The following ITSN2 variants were observed in gnomAD, a reference collection of about 807,000 sequenced individuals.
ITSN2 encodes the protein intersectin-2.
ITSN2 carries 156 observed loss-of-function variants against 243.7 expected under a neutral mutation model. The observed-to-expected ratio is 0.64, with a 90% CI of 0.56 to 0.73. The LOEUF is 0.73. ITSN2 is among the 30% of genes least tolerant of loss of function. The probability of loss-of-function intolerance (pLI) is 0.00; values close to 1 mark genes in which losing one functional copy is unlikely to be tolerated. For synonymous variants in ITSN2, 703 were observed against 699.9 expected (o/e 1.00, Z -0.07); for missense variants, 1,801 against 1,996.1 (o/e 0.90, Z 1.86).
chr2:24,310,748 T>G (rs553706271), intron 5 of ITSN2, 56 bp from the exon 6 acceptor site: 2 of 1,443,000 alleles, frequency 1.4e-6, no homozygotes, highest in South Asian at 2.4e-5. Flanking sequence ...ATAAAACACA[T>G]GCAAAAAACA....
At chr2:24,281,289 C>G (rs1678743258) in intron 17 of ITSN2, among the ~76,000 whole-genome samples, 2 of 152,238 alleles carry the variant, frequency 1.3e-5, no homozygotes, top group African/African-American at 4.8e-5. Flanking sequence ...CTCAGCCTCC[C>G]AAAGTGCAGG....
chr2:24,292,841 C>T (rs1680436499), intron 15 of ITSN2, among the ~76,000 whole-genome samples: 1 of 152,276 alleles, frequency 6.6e-6, no homozygotes, highest in East Asian at 1.9e-4. Context: ...TTGTCTTGCT[C>T]CTTTGCCTTA....
At chr2:24,314,945 AT>A (rs901484666) in intron 3 of ITSN2, among the ~76,000 whole-genome samples, 186 bp downstream of exon 3, 1 of 152,248 alleles carries the variant, frequency 6.6e-6, no homozygotes, top group Non-Finnish European at 1.5e-5. Context: ...CATATCCCAA[AT>A]TTAAAACAAC....
chr2:24,293,598 T>C lies in ITSN2; in HGVS notation c.1723+90A>G, dbSNP rs200195347. On this transcript the variant is annotated intron_variant, in intron 15 of 39. Coordinates refer to ENST00000355123, the MANE Select transcript of ITSN2 (RefSeq NM_006277.3). ...GCAAAAAGTGTTATTTATAACAGAATACTTTTTTTAATTTTAAAAAAGTAA... is the reference window on the plus strand; with the variant it reads ...GCAAAAAGTGTTATTTATAACAGAACACTTTTTTTAATTTTAAAAAAGTAA... The C allele has an allele frequency of 2.4e-5, 13 of 541,712 alleles. No individual in the cohort carries two copies. The East Asian group carries it at 4.6e-4, about 19-fold the overall frequency. The allele number at this position is 541,712 out of a possible 1,614,324, so 33.6% of individuals were successfully genotyped here.
chr2:24,274,459 T>C lies in ITSN2; in HGVS notation c.2081+1254A>G, dbSNP rs150964777. On this transcript the variant is annotated intron_variant, in intron 18 of 39. Transcript: ENST00000355123. Reference sequence around the variant, plus strand: ...TGGTGGTACATGCCTATATTCCCAGTTACTCAGTGGGAGCTTAGGCAGGAG... The same window carrying C: ...TGGTGGTACATGCCTATATTCCCAGCTACTCAGTGGGAGCTTAGGCAGGAG... Among the ~76,000 whole-genome samples, 226 of 152,132 alleles carry C rather than the reference T, an allele frequency of 1.5e-3. 1 individual carries two copies. Among genetic ancestry groups the C allele is most frequent in the African/African-American group, 5.1e-3 (213 of 41,522 alleles).
chr2:24,297,608 A>T (rs1312288513), intron 13 of ITSN2, among the ~76,000 whole-genome samples: 1 of 152,170 alleles, frequency 6.6e-6, no homozygotes, highest in Non-Finnish European at 1.5e-5. Context: ...CATAAATGTC[A>T]AGCTTCTCTG....
intron 29 of ITSN2, among the ~76,000 whole-genome samples, chr2:24,237,374 C>T (rs1185716082): frequency 2.2e-5 from 3 of 138,494 alleles, no homozygotes; most frequent in African/African-American, 8.1e-5. Context: ...AACCTGTTTC[C>T]CATCTTTGTG....
At chr2:24,215,919 G>A (rs542414429) in intron 32 of ITSN2, 130 bp downstream of exon 32, 18 of 600,112 alleles carry the variant, frequency 3.0e-5, no homozygotes, top group Admixed American at 1.6e-4. Context: ...ATTCTCTGCC[G>A]TTTTGGTGTT....
intron 1 of ITSN2, among the ~76,000 whole-genome samples, chr2:24,337,452 G>C (rs1443189392): frequency 6.8e-6 from 1 of 147,736 alleles, no homozygotes; most frequent in African/African-American, 2.5e-5. Context: ...CTGGGTTCAA[G>C]TGATTCTCCT....
intron 24 of ITSN2, among the ~76,000 whole-genome samples, chr2:24,253,886 T>C (rs1387941218): frequency 1.3e-5 from 2 of 152,208 alleles, no homozygotes; most frequent in Non-Finnish European, 2.9e-5. Flanking sequence ...TCTTTCATTT[T>C]TCAACACATT....
Position 24,312,244 on chromosome 2 carries a change from G to C in ITSN2, c.320C>G (p.Pro107Arg). Residue 107 changes from proline to arginine, a missense_variant, in exon 5 of 40, where the codon CCT becomes CGT. Pro to Arg is a moderately radical substitution (Grantham distance 103). Around this residue, in one of 5 missense-constraint regions of ITSN2, gnomAD observed 787 missense variants for 803.9 expected, o/e 0.98. Transcript: ENST00000355123. ...AGCAGAAATTAATGGAGAAAACATA[G>C]GGGGTTGCTTCATAATAGGAGGGAG... Reference protein sequence around the residue: ...VVLPPIMKQPPMFSPLISARF... With the variant: ...VVLPPIMKQPRMFSPLISARF... 1 of 1,612,156 alleles carries C rather than the reference G, an allele frequency of 6.2e-7. No homozygotes were observed. Among genetic ancestry groups the C allele is most frequent in the Non-Finnish European group, 8.5e-7 (1 of 1,178,920 alleles).
intron 1 of ITSN2, chr2:24,334,745 T>C (rs558399583): frequency 6.3e-7 from 1 of 1,575,606 alleles, no homozygotes; most frequent in Non-Finnish European, 8.6e-7. Context: ...CAACTGCAGA[T>C]CTAAGAGAAT....
At chr2:24,326,897 T>TA (rs1685212347) in intron 2 of ITSN2, among the ~76,000 whole-genome samples, 1 of 152,172 alleles carries the variant, frequency 6.6e-6, no homozygotes, top group African/African-American at 2.4e-5. Flanking sequence ...AAAACAAGTT[T>TA]AAAAAACAAC....
chr2:24,282,967 GCCT>G (rs1369582271), intron 17 of ITSN2, among the ~76,000 whole-genome samples: 1 of 144,142 alleles, frequency 6.9e-6, no homozygotes, highest in Non-Finnish European at 1.5e-5. Context: ...CTTTCCCCCT[GCCT>G]CCTCCTTTCT....
At chr2:24,311,035 T>C (rs1164833372) in intron 5 of ITSN2, among the ~76,000 whole-genome samples, 2 of 151,848 alleles carry the variant, frequency 1.3e-5, no homozygotes, top group Non-Finnish European at 2.9e-5. Flanking sequence ...GAAAGGATAA[T>C]ACAGTGCTAC....
intron 1 of ITSN2, among the ~76,000 whole-genome samples, chr2:24,346,989 C>A (rs909642074): frequency 6.6e-6 from 1 of 151,802 alleles, no homozygotes; most frequent in East Asian, 1.9e-4. Flanking sequence ...CTCAGCCTCC[C>A]GAGTAGCTGC....
intron 24 of ITSN2, among the ~76,000 whole-genome samples, 164 bp downstream of exon 24, chr2:24,254,203 T>C (rs1199964903): frequency 6.6e-6 from 1 of 152,202 alleles, no homozygotes; most frequent in Non-Finnish European, 1.5e-5. Flanking sequence ...TCAATATTCA[T>C]GTGAAATAGA....
rs1669461102 is a variant in ITSN2 at position 24,211,174 on chromosome 2, C to G, written c.4090-227G>C. ...GCTGTGACAAGGTGACAGTGCTAAA[C>G]GGATCAAGTGCTCTGAACTGTGTGG... On this transcript the variant is annotated intron_variant, in intron 33 of 39. Transcript: ENST00000355123. The surrounding 1 kb of genome is among the most constrained non-coding windows in gnomAD (Gnocchi z 4.1). Among the ~76,000 whole-genome samples, 1 of 152,214 alleles carries G rather than the reference C, an allele frequency of 6.6e-6. No homozygotes were observed. The highest frequency in any genetic ancestry group is 2.4e-5 in the African/African-American group (1 of 41,462).
At chr2:24,315,636 A>G (rs1683819026) in intron 2 of ITSN2, among the ~76,000 whole-genome samples, 1 of 152,132 alleles carries the variant, frequency 6.6e-6, no homozygotes. Flanking sequence ...TGTAATCCCC[A>G]CGTGTCAGAG....
Sources: allele counts gnomAD v4.1 joint callset (sites outside exome capture counted in the v4.1 genomes callset), GRCh38; gene constraint gnomAD v4.1.1; regional missense constraint gnomAD v4.1.1; non-coding constraint Gnocchi (gnomAD v3.1); transcripts MANE v1.5; gene names NCBI Gene and HGNC (gene_info 2026-07-23, HGNC 2026-07-21).